TMC1: variants seen among roughly 807,000 people sequenced by gnomAD.
TMC1 encodes transmembrane channel like 1.
Under a neutral mutation model 105.8 loss-of-function variants are expected in TMC1, and 84 were observed. The observed-to-expected ratio is 0.79, with a 90% CI of 0.67 to 0.95. The LOEUF is 0.95. Ranked by LOEUF, TMC1 falls within the 40% of genes least tolerant of loss-of-function variation. The pLI, the probability that TMC1 is intolerant of heterozygous loss-of-function variation, is 0.00. For synonymous variants in TMC1, 315 were observed against 311.5 expected (o/e 1.01, Z -0.12); for missense variants, 817 against 914.1 (o/e 0.89, Z 1.37).
chr9:72,752,174 G>T (rs1827590595), intron 11 of TMC1, among the ~76,000 whole-genome samples: 1 of 152,114 alleles, frequency 6.6e-6, no homozygotes, highest in African/African-American at 2.4e-5. Context: ...TATAACTTAT[G>T]TATAATTTCA....
chr9:72,572,844 T>C (rs1053016261), intron 1 of TMC1, among the ~76,000 whole-genome samples: 2 of 151,642 alleles, frequency 1.3e-5, no homozygotes, highest in Admixed American at 1.3e-4. Context: ...GTAGAAAAAT[T>C]AACTGGGCAT....
rs368807710 is a variant in TMC1, at chr9:72,643,184, C to G, written c.-52-5413C>G. ...TTCTGCCTTTTTTCTCTCCTTCCAA[C>G]TTTCCCGCTTTTTTAGATATCACAT... On this transcript the variant is annotated intron_variant, in intron 4 of 23. Transcript: ENST00000297784. Among the ~76,000 whole-genome samples the G allele has an allele frequency of 5.7e-4, 86 of 151,618 alleles. No homozygotes were observed. In the South Asian group the frequency reaches 0.017, roughly 30 times the overall value.
intron 5 of TMC1, among the ~76,000 whole-genome samples, chr9:72,658,575 G>A (rs1422586786): frequency 1.3e-5 from 2 of 152,096 alleles, no homozygotes; most frequent in South Asian, 2.1e-4. Context: ...TGTATAACAT[G>A]TAGTACCTAC....
At position 72,805,378 on chromosome 9, in the gene TMC1, A is replaced by G. The variant is rs369562300; in HGVS notation, c.1567-4A>G. On this transcript the variant is annotated splice_polypyrimidine_tract_variant and splice_region_variant and intron_variant, in intron 17 of 23. Coordinates refer to ENST00000297784, the MANE Select transcript of TMC1 (RefSeq NM_138691.3). ...GTGTTTTAATAGAGATAATATCTCA[A>G]CAGGAGTTTGTGAGGCTGACAGTCT... 5.6e-6 allele frequency: 9 copies of G among 1,613,708 alleles called. No homozygotes were observed. Among genetic ancestry groups the G allele is most frequent in the African/African-American group, 5.3e-5 (4 of 74,922 alleles).
At chr9:72,645,672 T>C (rs1457429607) in intron 4 of TMC1, among the ~76,000 whole-genome samples, 1 of 152,222 alleles carries the variant, frequency 6.6e-6, no homozygotes, top group African/African-American at 2.4e-5. Flanking sequence ...AATGTTCCTG[T>C]TCATTGTCAC....
chr9:72,620,771 C>G, intron 3 of TMC1, among the ~76,000 whole-genome samples: 1 of 152,066 alleles, frequency 6.6e-6, no homozygotes, highest in Non-Finnish European at 1.5e-5. Context: ...CAGGTATTTT[C>G]TATACATTGC....
At chr9:72,749,134 C>T (rs1827537968) in intron 10 of TMC1, among the ~76,000 whole-genome samples, 1 of 152,106 alleles carries the variant, frequency 6.6e-6, no homozygotes, top group Non-Finnish European at 1.5e-5. Flanking sequence ...CTGTCTTTTG[C>T]ATTTAAGTAT....
chr9:72,815,697 A>G (rs1007829445), intron 18 of TMC1, among the ~76,000 whole-genome samples: 1 of 152,208 alleles, frequency 6.6e-6, no homozygotes, highest in African/African-American at 2.4e-5. Flanking sequence ...CTGTATATAC[A>G]TAACTAATGT....
At chr9:72,538,232 A>C (rs1419073221) in intron 1 of TMC1, among the ~76,000 whole-genome samples, 2 of 151,994 alleles carry the variant, frequency 1.3e-5, no homozygotes, top group Non-Finnish European at 2.9e-5. Flanking sequence ...CTTCAGAGTG[A>C]ATAGATGATG....
At chr9:72,530,069 A>G (rs566917489) in intron 1 of TMC1, among the ~76,000 whole-genome samples, 161 of 152,310 alleles carry the variant, frequency 1.1e-3, no homozygotes, top group African/African-American at 3.7e-3. Context: ...GAATATCATT[A>G]TAGTGTATCT....
chr9:72,584,604 C>A (rs1164739117), intron 2 of TMC1, among the ~76,000 whole-genome samples: 2 of 151,896 alleles, frequency 1.3e-5, no homozygotes, highest in Non-Finnish European at 1.5e-5. Context: ...GGGAATGTCA[C>A]TACCAACCAT....
At chr9:72,555,950 G>A (rs1194048781) in intron 1 of TMC1, among the ~76,000 whole-genome samples, 2 of 98,766 alleles carry the variant, frequency 2.0e-5, no homozygotes, top group Non-Finnish European at 3.7e-5. Flanking sequence ...ATGTTACCCA[G>A]GAAAACCAAT....
In TMC1 at chr9:72,688,589, AT is replaced by A. The variant is rs1422209468; in HGVS notation, c.17-119del. 5 of 931,374 alleles carry A rather than the reference AT, an allele frequency of 5.4e-6. No individual in the cohort carries two copies. In the East Asian group the frequency reaches 1.3e-4, roughly 24 times the overall value. The allele number at this position is 931,374 out of a possible 1,614,324, so 57.7% of individuals were successfully genotyped here. A position where few individuals can be genotyped will look rare whatever the true frequency, so the allele number is the denominator to read the frequency against. On this transcript the variant is annotated intron_variant, in intron 5 of 23. Coordinates refer to ENST00000297784, the MANE Select transcript of TMC1 (RefSeq NM_138691.3). ...AAATCGTGCTCATTTTGGCAAGTTT[AT>A]GGAAAAATTGTATTAACTGCACAAA... is the stretch of plus-strand genomic sequence containing the variant.
intron 21 of TMC1, among the ~76,000 whole-genome samples, chr9:72,828,562 G>A (rs1428199715): frequency 1.3e-5 from 2 of 152,202 alleles, no homozygotes; most frequent in African/African-American, 4.8e-5. Context: ...TCAGTCCTAA[G>A]AGGGTTTAAA....
At chr9:72,586,114 A>G (rs1013813751) in intron 2 of TMC1, among the ~76,000 whole-genome samples, 1 of 152,176 alleles carries the variant, frequency 6.6e-6, no homozygotes, top group African/African-American at 2.4e-5. Flanking sequence ...GGCATTTTAT[A>G]TGGAAACTTT....
intron 1 of TMC1, among the ~76,000 whole-genome samples, chr9:72,535,562 C>G: frequency 6.6e-6 from 1 of 152,274 alleles, no homozygotes; most frequent in Middle Eastern, 3.4e-3. Flanking sequence ...GATTAAATTG[C>G]AGCCACTCAT....
At chr9:72,745,972 G>A (rs1417526709) in intron 10 of TMC1, among the ~76,000 whole-genome samples, 2 of 152,096 alleles carry the variant, frequency 1.3e-5, no homozygotes, top group African/African-American at 4.8e-5. Context: ...TGTATATGTA[G>A]GCATGTGAAA....
chr9:72,605,180 A>G (rs1180274150), intron 2 of TMC1, among the ~76,000 whole-genome samples: 1 of 152,250 alleles, frequency 6.6e-6, no homozygotes, highest in Admixed American at 6.5e-5. Context: ...TGCTCATCAT[A>G]TTACAAGGAA....
intron 3 of TMC1, among the ~76,000 whole-genome samples, chr9:72,627,584 T>G (rs1825370370): frequency 1.3e-5 from 2 of 152,196 alleles, no homozygotes; most frequent in East Asian, 3.9e-4. Context: ...ATGACAAGGA[T>G]GGGCGCGGGT....
Sources: allele counts gnomAD v4.1 joint callset (sites outside exome capture counted in the v4.1 genomes callset), GRCh38; gene constraint gnomAD v4.1.1; transcripts MANE v1.5; gene names NCBI Gene and HGNC (gene_info 2026-07-23, HGNC 2026-07-21).